The following FEM1C variants were observed in gnomAD, a reference collection of about 807,000 sequenced individuals.
FEM1C encodes protein fem-1 homolog C.
A neutral mutation model predicts 37.6 loss-of-function variants in FEM1C; 15 were observed. That is an observed-to-expected ratio of 0.40 (90% CI 0.27 to 0.61). The LOEUF (loss-of-function observed/expected upper bound fraction) is 0.61, where lower values mean the gene tolerates loss of function less well. Ranked by LOEUF, FEM1C falls within the 20% of genes least tolerant of loss-of-function variation. The probability of loss-of-function intolerance (pLI) is 0.42; values close to 1 mark genes in which losing one functional copy is unlikely to be tolerated. For synonymous variants in FEM1C, 287 were observed against 272.8 expected (o/e 1.05, Z -0.51); for missense variants, 532 against 749.7 (o/e 0.71, Z 3.39).
Position 115,522,501 on chromosome 5 carries a change from ATGAG to A in FEM1C, c.*1803_*1806del, listed in dbSNP as rs1318675600. 3 of 151,960 alleles carry A rather than the reference ATGAG, an allele frequency of 2.0e-5. No individual in the cohort carries two copies. The highest frequency in any genetic ancestry group is 7.2e-5 in the African/African-American group (3 of 41,438). The allele number at this position is 151,960 out of a possible 1,614,324, so 9.4% of individuals were successfully genotyped here. ...TGAAATCAAATTTACAACCTAGCAA[ATGAG>A]TAAGAATATCTTTTAAAAATTAAAT... On this transcript the variant is annotated 3_prime_UTR_variant, in exon 3 of 3. Transcript: ENST00000274457.
At chr5:115,530,800 A>C (rs1422316689) in intron 2 of FEM1C, among the ~76,000 whole-genome samples, 1 of 151,942 alleles carries the variant, frequency 6.6e-6, no homozygotes, top group Non-Finnish European at 1.5e-5. Flanking sequence ...AAAATCAGAA[A>C]ATTTTTTTAA....
chr5:115,525,879 T>C (rs1353969583), intron 2 of FEM1C, among the ~76,000 whole-genome samples: 2 of 152,150 alleles, frequency 1.3e-5, no homozygotes, highest in Non-Finnish European at 2.9e-5. Flanking sequence ...AACTAATCCA[T>C]GGTCTCTTCG....
chr5:115,542,779 A>G (rs1325645942), intron 2 of FEM1C, among the ~76,000 whole-genome samples, 171 bp downstream of exon 2: 1 of 152,234 alleles, frequency 6.6e-6, no homozygotes, highest in Admixed American at 6.5e-5. Flanking sequence ...ACACTTTTTC[A>G]ATCTATTACC....
rs764545750 is a variant in FEM1C at position 115,524,722 on chromosome 5, C to G, written c.1440G>C (p.Lys480Asn). ...CCAGATGAAGAGGGCTGAAGTTATT[C>G]TTTCCCCTTGGATGCAGCTTAAGAA... ...YRFLKLHPRG[K>N]NNFSPLHLAV... Residue 480 changes from lysine to asparagine, a missense_variant, in exon 3 of 3, where the codon AAG (lysine) becomes AAC (asparagine). Transcript: ENST00000274457. 7 of 1,541,946 alleles carry G rather than the reference C, an allele frequency of 4.5e-6. No homozygotes were observed. Among genetic ancestry groups the G allele is most frequent in the East Asian group, 2.3e-5 (1 of 44,442 alleles).
At chr5:115,530,675 T>C (rs192305766) in intron 2 of FEM1C, among the ~76,000 whole-genome samples, 2 of 152,244 alleles carry the variant, frequency 1.3e-5, no homozygotes, top group East Asian at 3.9e-4. Context: ...GAGTATGTTC[T>C]AAGTCCACTT....
At position 115,524,749 on chromosome 5, in the gene FEM1C, C is replaced by A. The variant is rs138090623; in HGVS notation, c.1413G>T (p.Arg471Ser). 1.5e-5 allele frequency: 23 copies of A among 1,550,966 alleles called. No individual in the cohort carries two copies. In the African/African-American group the frequency reaches 3.2e-4, roughly 21 times the overall value. Residue 471 changes from arginine (R) to serine (S), a missense_variant, in exon 3 of 3, where the codon AGG (arginine) becomes AGT (serine). Physicochemically the swap from Arg to Ser is moderately radical, Grantham distance 110. Transcript: ENST00000274457. ...TTCCCCTTGGATGCAGCTTAAGAAA[C>A]CTGTATATAGTCTGCTTTTTGAAAT... ...QDHFKKQTIY[R>S]FLKLHPRGKN...
At chr5:115,539,584 A>G (rs182251841) in intron 2 of FEM1C, among the ~76,000 whole-genome samples, 165 of 152,230 alleles carry the variant, frequency 1.1e-3, no homozygotes, top group Admixed American at 2.8e-3. Context: ...GAAGAAAACC[A>G]TTGTCCCCTC....
chr5:115,533,662 G>A (rs546546415), intron 2 of FEM1C, among the ~76,000 whole-genome samples: 103 of 151,898 alleles, frequency 6.8e-4, no homozygotes, highest in African/African-American at 2.3e-3. Flanking sequence ...TACAGCGATC[G>A]TACTTCCCAA....
intron 2 of FEM1C, among the ~76,000 whole-genome samples, chr5:115,536,216 A>T (rs1561559631): frequency 6.6e-6 from 1 of 151,978 alleles, no homozygotes; most frequent in Non-Finnish European, 1.5e-5. Context: ...GGTTTTGTGA[A>T]TTTTATCTCA....
rs756496700 is a variant in FEM1C at position 115,524,924 on chromosome 5, C to A, written c.1238G>T (p.Gly413Val). The change falls in exon 3 of 3, where the codon GGC becomes GTC. Residue 413 changes from glycine (G) to valine (V), a missense_variant. This residue lies in a region of FEM1C where 237 missense variants were observed against 260.5 expected (regional missense o/e 0.91). Transcript: ENST00000274457. ...TTCAAGGACGCTTTTGCAAAGTATG[C>A]CCATAAGATCATCAAATGTAACAGT... ...GTTVTFDDLM[G>V]ILCKSVLEIE... 4.3e-6 allele frequency: 7 copies of A among 1,613,712 alleles called. No individual in the cohort carries two copies. The highest frequency in any genetic ancestry group is 5.9e-6 in the Non-Finnish European group (7 of 1,179,810).
At chr5:115,536,304 C>A (rs985894164) in intron 2 of FEM1C, among the ~76,000 whole-genome samples, 1 of 151,896 alleles carries the variant, frequency 6.6e-6, no homozygotes, top group Non-Finnish European at 1.5e-5. Context: ...CTGATAGAAG[C>A]AGCAATTAGA....
chr5:115,530,224 A>T (rs6893854), intron 2 of FEM1C, among the ~76,000 whole-genome samples: 61,227 of 151,848 alleles, frequency 0.4, 12,920 homozygotes, highest in Middle Eastern at 0.48. Flanking sequence ...CTTTGCAAAA[A>T]CTAAATATTA....
At chr5:115,529,729 A>C (rs1464413351) in intron 2 of FEM1C, among the ~76,000 whole-genome samples, 1 of 152,076 alleles carries the variant, frequency 6.6e-6, no homozygotes, top group Non-Finnish European at 1.5e-5. Flanking sequence ...TATGGAGGGT[A>C]ATTGGTGTTA....
intron 2 of FEM1C, among the ~76,000 whole-genome samples, chr5:115,529,742 G>A (rs892572665): frequency 6.6e-6 from 1 of 151,946 alleles, no homozygotes; most frequent in South Asian, 2.1e-4. Context: ...TGGTGTTAAC[G>A]TGTTCTAAGA....
chr5:115,536,646 T>C (rs965861196), intron 2 of FEM1C, among the ~76,000 whole-genome samples: 6 of 151,794 alleles, frequency 4.0e-5, no homozygotes, highest in Non-Finnish European at 5.9e-5. Flanking sequence ...CCCTTCCCCA[T>C]GTGTAGTCTA....
At chr5:115,540,497 G>C (rs934625651) in intron 2 of FEM1C, among the ~76,000 whole-genome samples, 2 of 151,826 alleles carry the variant, frequency 1.3e-5, no homozygotes. Flanking sequence ...TGATACTGGG[G>C]AAAAAAATGA....
chr5:115,543,549 T>C lies in FEM1C; in HGVS notation c.-56A>G, dbSNP rs1310599035. On this transcript the variant is annotated 5_prime_UTR_variant, in exon 2 of 3. Transcript: ENST00000274457. ...TATCTTTCAAAGCAGAGCTCCAGTT[T>C]AACTCTATCGACACAGGCAAGAGTC... 5.2e-6 allele frequency: 8 copies of C among 1,531,764 alleles called. No individual in the cohort carries two copies. The African/African-American group carries it at 8.3e-5, about 16-fold the overall frequency. 94.9% of individuals were successfully genotyped at this position (1,531,764 alleles called of 1,614,324 possible). A position where few individuals can be genotyped will look rare whatever the true frequency, so the allele number is the denominator to read the frequency against.
At chr5:115,532,623 A>G (rs2127171827) in intron 2 of FEM1C, among the ~76,000 whole-genome samples, 1 of 151,974 alleles carries the variant, frequency 6.6e-6, no homozygotes, top group African/African-American at 2.4e-5. Context: ...GCTTTGACAA[A>G]GTTATAATCA....
At chr5:115,539,504 A>G (rs1754196845) in intron 2 of FEM1C, among the ~76,000 whole-genome samples, 1 of 152,068 alleles carries the variant, frequency 6.6e-6, no homozygotes. Flanking sequence ...AATTGCTATG[A>G]CTGTTAAACT....
Sources: gnomAD v4.1 joint callset for allele counts (sites outside exome capture counted in the v4.1 genomes callset) on GRCh38, gnomAD v4.1.1 for gene constraint, gnomAD v4.1.1 regional missense constraint, MANE v1.5 for transcripts, NCBI Gene and HGNC (gene_info 2026-07-23, HGNC 2026-07-21) for gene names.